Variants in NKAIN3 observed in about 807,000 individuals in gnomAD.
NKAIN3 encodes the protein sodium/potassium transporting ATPase interacting 3, also known as sodium/potassium-transporting ATPase subunit beta-1-interacting protein 3.
NKAIN3 carries 25 observed loss-of-function variants against 30.2 expected under a neutral mutation model. The observed-to-expected ratio is 0.83, with a 90% confidence interval of 0.60 to 1.16. The LOEUF is 1.16. Among genes scored for constraint, NKAIN3 ranks in the 50% most tolerant of loss-of-function variants. The probability of loss-of-function intolerance (pLI) is 0.00; values close to 1 mark genes in which losing one functional copy is unlikely to be tolerated. For synonymous variants in NKAIN3, 91 were observed against 89.6 expected, an observed-to-expected ratio of 1.02 and a Z score of -0.09; for missense variants, 225 against 254.1, an observed-to-expected ratio of 0.89 and a Z score of 0.78.
chr8:62,872,158 T>C (rs773986822), intron 4 of NKAIN3, among the ~76,000 whole-genome samples: 2 of 152,346 alleles, frequency 1.3e-5, no homozygotes, highest in South Asian at 2.1e-4. Context: ...ATAGCCTAGA[T>C]GTATAGTTGG....
chr8:62,733,546 CTT>C (rs1235021171), intron 3 of NKAIN3, among the ~76,000 whole-genome samples: 7 of 152,080 alleles, frequency 4.6e-5, no homozygotes, highest in Admixed American at 2.0e-4. Flanking sequence ...AAGTTTTTCT[CTT>C]GACTGCGTTT....
intron 1 of NKAIN3, among the ~76,000 whole-genome samples, chr8:62,336,350 G>C (rs1221407448): frequency 6.6e-6 from 1 of 151,992 alleles, no homozygotes; most frequent in Non-Finnish European, 1.5e-5. Context: ...TTTTGTGGAT[G>C]TCCATTAAGT....
intron 4 of NKAIN3, among the ~76,000 whole-genome samples, chr8:62,838,461 G>A (rs1434857273): frequency 2.0e-5 from 3 of 151,960 alleles, no homozygotes; most frequent in African/African-American, 4.8e-5. Flanking sequence ...AAAAATGGAA[G>A]ATGCAAACAA....
At chr8:62,635,048 T>A (rs1341494192) in intron 3 of NKAIN3, among the ~76,000 whole-genome samples, 1 of 151,962 alleles carries the variant, frequency 6.6e-6, no homozygotes, top group Non-Finnish European at 1.5e-5. Flanking sequence ...GTCGGGGGCA[T>A]GGGTCAACCA....
rs1025657849 is a variant in NKAIN3, at chr8:62,970,826, C to T, written c.*5419C>T. On this transcript the variant is annotated 3_prime_UTR_variant, in exon 7 of 7. Transcript: ENST00000623646. Reference sequence around the variant, plus strand: ...ATGTAAGGCATGTTTTTCCTTTCCTCTTCAGAGTTATTTAGAAACAGTTCA... The same window carrying T: ...ATGTAAGGCATGTTTTTCCTTTCCTTTTCAGAGTTATTTAGAAACAGTTCA... Among the ~76,000 whole-genome samples, 1 of 152,180 alleles carries T rather than the reference C, an allele frequency of 6.6e-6. No homozygotes were observed. Among genetic ancestry groups the T allele is most frequent in the African/African-American group, 2.4e-5 (1 of 41,444 alleles).
At chr8:62,894,608 C>T (rs929196997) in intron 4 of NKAIN3, among the ~76,000 whole-genome samples, 3 of 152,188 alleles carry the variant, frequency 2.0e-5, no homozygotes, top group African/African-American at 7.2e-5. Flanking sequence ...CCAGAGGCAG[C>T]AGCTGCTATC....
At chr8:62,627,517 G>A (rs1811828337) in intron 3 of NKAIN3, among the ~76,000 whole-genome samples, 1 of 152,008 alleles carries the variant, frequency 6.6e-6, no homozygotes, top group Non-Finnish European at 1.5e-5. Flanking sequence ...GAGCTGGGAT[G>A]GGAAAGGGTC....
intron 3 of NKAIN3, among the ~76,000 whole-genome samples, chr8:62,646,406 C>T (rs1303762083): frequency 2.0e-5 from 3 of 152,068 alleles, no homozygotes; most frequent in Non-Finnish European, 4.4e-5. Context: ...CATTTACTCA[C>T]CCAACTCCAA....
chr8:62,694,446 CCATT>C (rs1814089962), intron 3 of NKAIN3, among the ~76,000 whole-genome samples: 1 of 152,072 alleles, frequency 6.6e-6, no homozygotes. Context: ...GTGAAATAAG[CCATT>C]CATAGAAGAC....
chr8:62,809,967 A>T (rs1818437300), intron 4 of NKAIN3, among the ~76,000 whole-genome samples: 1 of 152,180 alleles, frequency 6.6e-6, no homozygotes, highest in Admixed American at 6.5e-5. Flanking sequence ...AATTAAGATC[A>T]GAGGCACTGG....
chr8:62,415,712 G>A (rs1804422380), intron 1 of NKAIN3, among the ~76,000 whole-genome samples: 2 of 150,892 alleles, frequency 1.3e-5, no homozygotes, highest in South Asian at 4.2e-4. Context: ...TCTTCCTTTT[G>A]CAGGTACAGA....
intron 1 of NKAIN3, among the ~76,000 whole-genome samples, chr8:62,541,469 A>G (rs1351360): frequency 0.56 from 85,576 of 152,038 alleles, 24,168 homozygotes; most frequent in Non-Finnish European, 0.59. Context: ...ATGTCCTAAC[A>G]ATGTAGCTTT....
intron 1 of NKAIN3, among the ~76,000 whole-genome samples, chr8:62,280,031 G>T (rs910532824): frequency 1.3e-5 from 2 of 152,122 alleles, no homozygotes; most frequent in African/African-American, 4.8e-5. Flanking sequence ...CCATTTGTTT[G>T]TGTCCTCTTT....
At chr8:62,515,798 T>C (rs1327052086) in intron 1 of NKAIN3, among the ~76,000 whole-genome samples, 2 of 152,184 alleles carry the variant, frequency 1.3e-5, no homozygotes, top group Non-Finnish European at 2.9e-5. Context: ...TTGTTTTAAC[T>C]TGCATTTATT....
chr8:62,349,140 C>A (rs1366771601), intron 1 of NKAIN3, among the ~76,000 whole-genome samples: 1 of 152,146 alleles, frequency 6.6e-6, no homozygotes. Flanking sequence ...CTCATTAGTT[C>A]TTGGGACTAT....
intron 3 of NKAIN3, among the ~76,000 whole-genome samples, chr8:62,741,364 A>AAGGG (rs1410985471): frequency 5.0e-5 from 1 of 19,922 alleles, no homozygotes; most frequent in Non-Finnish European, 1.1e-4. Flanking sequence ...AGAGAGAAAG[A>AAGGG]AGGAAGGAAG....
chr8:62,802,091 C>T lies in NKAIN3; in HGVS notation c.471+54962C>T, dbSNP rs567965628. Among the ~76,000 whole-genome samples the T allele has an allele frequency of 2.6e-5, 4 of 152,246 alleles. No individual in the cohort carries two copies. In the East Asian group the frequency reaches 7.7e-4, roughly 29 times the overall value. ...AGAAAAAAGAATAAAAGGAAATGAA[C>T]AAAGCCTCCAAGAAATATGGAACTA... On this transcript the variant is annotated intron_variant, in intron 4 of 6. Transcript: ENST00000623646.
At chr8:62,652,052 A>G (rs1812638155) in intron 3 of NKAIN3, among the ~76,000 whole-genome samples, 2 of 152,138 alleles carry the variant, frequency 1.3e-5, no homozygotes, top group South Asian at 4.1e-4. Context: ...ATACATGGCA[A>G]AAGGGGCAAG....
At chr8:62,818,525 C>T (rs1287222851) in intron 4 of NKAIN3, among the ~76,000 whole-genome samples, 1 of 151,652 alleles carries the variant, frequency 6.6e-6, no homozygotes, top group African/African-American at 2.4e-5. Context: ...CTTTTTTTTC[C>T]CAGTGTGATC....
Sources: allele counts gnomAD v4.1 joint callset (sites outside exome capture counted in the v4.1 genomes callset), GRCh38; gene constraint gnomAD v4.1.1; transcripts MANE v1.5; gene names NCBI Gene and HGNC (gene_info 2026-07-23, HGNC 2026-07-21).